The following SASH1 variants were observed in gnomAD, a reference collection of about 807,000 sequenced individuals.
The protein encoded by SASH1 is SAM and SH3 domain containing 1, also known as SAM and SH3 domain-containing protein 1.
Under a neutral mutation model 125.2 loss-of-function variants are expected in SASH1, and 44 were observed. That is an observed-to-expected ratio of 0.35 (90% CI 0.28 to 0.45). The LOEUF is 0.45. Among genes scored for constraint, SASH1 ranks in the 20% least tolerant of loss-of-function variants. SASH1 has a pLI of 1.00. For missense variants in SASH1, 1,426 were observed against 1,614.5 expected, an observed-to-expected ratio of 0.88 and a Z score of 2.00; for synonymous variants, 639 against 649.1, an observed-to-expected ratio of 0.98 and a Z score of 0.24.
chr6:148,528,486 C>G (rs1781320929), intron 12 of SASH1, among the ~76,000 whole-genome samples: 1 of 152,252 alleles, frequency 6.6e-6, no homozygotes, highest in Non-Finnish European at 1.5e-5. Context: ...TAAAACCAAG[C>G]ATCGCCCCTA....
chr6:148,466,536 A>T (rs1262221835), intron 4 of SASH1, among the ~76,000 whole-genome samples: 2 of 152,172 alleles, frequency 1.3e-5, no homozygotes, highest in African/African-American at 4.8e-5. Flanking sequence ...TAGGCAGAAA[A>T]TCACTTTAGG....
chr6:148,373,424 A>C (rs1178085262), intron 1 of SASH1, among the ~76,000 whole-genome samples: 2 of 152,066 alleles, frequency 1.3e-5, no homozygotes, highest in East Asian at 1.9e-4. Flanking sequence ...TGGCTGGGGC[A>C]GTGAGGCTGG....
chr6:148,401,930 G>A lies in SASH1; in HGVS notation c.285+11668G>A, dbSNP rs1317330298. Among the ~76,000 whole-genome samples, 4 of 151,932 alleles carry A rather than the reference G, an allele frequency of 2.6e-5. No individual in the cohort carries two copies. The East Asian group carries it at 7.7e-4, about 29-fold the overall frequency. On this transcript the variant is annotated intron_variant, in intron 2 of 19. Coordinates refer to ENST00000367467, the MANE Select transcript of SASH1 (RefSeq NM_015278.5). ...GTGTGTCCTTTCTCCTTAGGGTGTGGGTTTCTTTTCTCCGAGATATTCCTT... is the reference window on the plus strand; with the variant it reads ...GTGTGTCCTTTCTCCTTAGGGTGTGAGTTTCTTTTCTCCGAGATATTCCTT...
intron 8 of SASH1, among the ~76,000 whole-genome samples, chr6:148,507,570 C>T (rs1047159101): frequency 3.3e-5 from 5 of 152,136 alleles, no homozygotes; most frequent in South Asian, 2.1e-4. Flanking sequence ...GGGTTTTCAC[C>T]ATGTTTCCCA....
Position 148,468,549 on chromosome 6 carries a change from C to T in SASH1, c.391C>T (p.Pro131Ser), listed in dbSNP as rs201069629. 1.2e-6 allele frequency: 2 copies of T among 1,608,610 alleles called. No individual in the cohort carries two copies. Among genetic ancestry groups the T allele is most frequent in the Non-Finnish European group, 1.7e-6 (2 of 1,176,244 alleles). The change falls in exon 5 of 20, where the codon CCT (proline) becomes TCT (serine). Residue 131 changes from proline to serine, a missense_variant. Physicochemically the swap from Pro to Ser is moderately conservative, Grantham distance 74. Around this residue, in one of 3 missense-constraint regions of SASH1, gnomAD observed 567 missense variants for 575.6 expected, o/e 0.99. Coordinates refer to ENST00000367467, the MANE Select transcript of SASH1 (RefSeq NM_015278.5). ...VSTPEVERKN[P>S]LHKSNSEDSS... is the part of the protein sequence containing the mutation. ...TGATTTGTTTTTCTTTTCTAGGAAC[C>T]CTCTTCATAAATCAAACTCAGAAGA...
the SASH1 span, among the ~76,000 whole-genome samples, chr6:148,222,985 C>T: frequency 6.6e-6 from 1 of 152,122 alleles, no homozygotes; most frequent in Admixed American, 6.5e-5. Context: ...ACTTCGCATG[C>T]GAACTGAGTC....
intron 7 of SASH1, among the ~76,000 whole-genome samples, chr6:148,475,017 G>A (rs1778279278): frequency 6.6e-6 from 1 of 152,062 alleles, no homozygotes; most frequent in Non-Finnish European, 1.5e-5. Context: ...AGTTAAGTTA[G>A]GCACTACAAG....
intron 1 of SASH1, among the ~76,000 whole-genome samples, chr6:148,363,646 C>G (rs998829879): frequency 1.3e-4 from 19 of 151,978 alleles, no homozygotes; most frequent in African/African-American, 4.3e-4. Context: ...GTGATCCACC[C>G]GTCTCGGCCT....
chr6:148,197,995 G>C, the SASH1 span, among the ~76,000 whole-genome samples: 2 of 152,104 alleles, frequency 1.3e-5, no homozygotes, highest in Admixed American at 1.3e-4. Flanking sequence ...AATTATAGCT[G>C]CCCAACACCA....
rs533713432 is a variant in SASH1 at position 148,463,709 on chromosome 6, C to A, written c.387-4836C>A. On this transcript the variant is annotated intron_variant, in intron 4 of 19. Transcript: ENST00000367467. ...TCTAGACTCACATGTCCAACTGTTT[C>A]TTTACTGTCTGCACAGGGATGTTTA... Among the ~76,000 whole-genome samples the A allele has an allele frequency of 1.1e-3, 163 of 152,332 alleles. 1 individual carries two copies. Among genetic ancestry groups the A allele is most frequent in the African/African-American group, 3.7e-3 (155 of 41,574 alleles).
intron 10 of SASH1, among the ~76,000 whole-genome samples, chr6:148,523,518 A>G (rs1317424962): frequency 6.6e-6 from 1 of 152,230 alleles, no homozygotes; most frequent in Non-Finnish European, 1.5e-5. Context: ...TATTTAATAC[A>G]GAATTAGGAT....
intron 4 of SASH1, among the ~76,000 whole-genome samples, chr6:148,455,311 C>G (rs754178): frequency 0.16 from 23,831 of 152,206 alleles, 2,524 homozygotes; most frequent in East Asian, 0.52. Flanking sequence ...CCACCCAGAT[C>G]AGTGTCTTGT....
At chr6:148,269,842 A>T (rs2128502092), upstream of SASH1, among the ~76,000 whole-genome samples, 1 of 152,362 alleles carries the variant, frequency 6.6e-6, no homozygotes, top group South Asian at 2.1e-4. Flanking sequence ...CATAGCTGAT[A>T]AATGAAAATA....
intron 8 of SASH1, among the ~76,000 whole-genome samples, chr6:148,508,273 C>T (rs1779915594): frequency 6.6e-6 from 1 of 152,058 alleles, no homozygotes; most frequent in African/African-American, 2.4e-5. Context: ...TCAAAAATAG[C>T]CATTGGAAGG....
At chr6:148,392,788 T>C (rs770954659) in intron 2 of SASH1, among the ~76,000 whole-genome samples, 49 of 152,340 alleles carry the variant, frequency 3.2e-4, no homozygotes, top group Admixed American at 1.1e-3. Context: ...CCTGACGCCT[T>C]GGCCCAGGTG....
intron 16 of SASH1, 76 bp downstream of exon 16, chr6:148,534,977 C>T (rs1195163788): frequency 3.1e-5 from 45 of 1,465,014 alleles, no homozygotes; most frequent in Non-Finnish European, 3.4e-5. Flanking sequence ...CCAGTATGTG[C>T]TTAGGTCCCT....
chr6:148,217,554 C>T, the SASH1 span, among the ~76,000 whole-genome samples: 9 of 152,202 alleles, frequency 5.9e-5, no homozygotes, highest in Non-Finnish European at 1.2e-4. Flanking sequence ...GTGGTGGAGG[C>T]AGGGTTCAAA....
the SASH1 span, among the ~76,000 whole-genome samples, chr6:148,229,146 A>C: frequency 2.0e-5 from 3 of 151,190 alleles, no homozygotes; most frequent in East Asian, 5.8e-4. Context: ...AAAAAAAAAA[A>C]AAAAAAAAAA....
chr6:148,207,670 T>C, the SASH1 span, among the ~76,000 whole-genome samples: 1 of 152,186 alleles, frequency 6.6e-6, no homozygotes, highest in African/African-American at 2.4e-5. Flanking sequence ...AAGAGATGGA[T>C]TCATTTGCCC....
Sources: allele counts gnomAD v4.1 joint callset (sites outside exome capture counted in the v4.1 genomes callset), GRCh38; gene constraint gnomAD v4.1.1; regional missense constraint gnomAD v4.1.1; transcripts MANE v1.5; gene names NCBI Gene and HGNC (gene_info 2026-07-23, HGNC 2026-07-21).